The following PDE4D variants were observed in gnomAD, a reference collection of about 807,000 sequenced individuals.
PDE4D encodes the protein phosphodiesterase 4D.
Under a neutral mutation model 87.4 loss-of-function variants are expected in PDE4D, and 24 were observed. The observed-to-expected ratio is 0.27, with a 90% CI of 0.20 to 0.39. The LOEUF is 0.39. Among genes scored for constraint, PDE4D ranks in the 10% least tolerant of loss-of-function variants. The pLI, the probability that PDE4D is intolerant of heterozygous loss-of-function variation, is 1.00. For synonymous variants in PDE4D, 384 were observed against 383.2 expected, an observed-to-expected ratio of 1.00 and a Z score of -0.02; for missense variants, 714 against 1,041.0, an observed-to-expected ratio of 0.69 and a Z score of 4.32.
intron 2 of PDE4D, among the ~76,000 whole-genome samples, chr5:60,039,750 C>T (rs926875044): frequency 6.6e-6 from 1 of 152,044 alleles, no homozygotes; most frequent in African/African-American, 2.4e-5. Flanking sequence ...CAAGATGTTT[C>T]CTAGCTTTTC....
chr5:59,703,571 G>T (rs373521847), intron 1 of PDE4D: 43 of 534,274 alleles, frequency 8.0e-5, no homozygotes, highest in African/African-American at 6.4e-4. Flanking sequence ...GGGTTCTGGT[G>T]GTGTTTTCTT....
At position 59,796,693 on chromosome 5, in the gene PDE4D, ATCT is replaced by A. The variant is rs1451152683; in HGVS notation, c.455+96472_455+96474del. Among the ~76,000 whole-genome samples the A allele has an allele frequency of 2.0e-5, 3 of 152,356 alleles. No individual in the cohort carries two copies. The East Asian group carries it at 5.8e-4, about 29-fold the overall frequency. On this transcript the variant is annotated intron_variant, in intron 1 of 14. Coordinates refer to ENST00000340635, the MANE Select transcript of PDE4D (RefSeq NM_001104631.2). ...AACATATGTACTTGTTTGCTTTTTC[ATCT>A]TCTTAGATGACACTTATTTTAAGTT...
At chr5:59,247,360 T>C (rs564452245) in intron 1 of PDE4D, among the ~76,000 whole-genome samples, 1 of 152,232 alleles carries the variant, frequency 6.6e-6, no homozygotes, top group Non-Finnish European at 1.5e-5. Flanking sequence ...ATTTAATGCA[T>C]AGGAAGCCTG....
At chr5:59,267,935 C>A (rs1278192664) in intron 1 of PDE4D, among the ~76,000 whole-genome samples, 4 of 152,006 alleles carry the variant, frequency 2.6e-5, no homozygotes, top group Non-Finnish European at 4.4e-5. Context: ...AGATGGGGGG[C>A]AAATGTCCTC....
In PDE4D at chr5:60,330,573, T is replaced by C. The variant is rs891400499; in HGVS notation, c.-89-144886A>G. ...AGCCAGCATGGGTGGCCCACACACA[T>C]GGAAGAACTACAGCCCAGACAAGCA... On this transcript the variant is annotated intron_variant, in intron 1 of 16. Coordinates refer to the PDE4D transcript ENST00000502484. Among the ~76,000 whole-genome samples the C allele has an allele frequency of 2.6e-5, 4 of 152,080 alleles. No individual in the cohort carries two copies. In the South Asian group the frequency reaches 6.2e-4, roughly 24 times the overall value.
intron 1 of PDE4D, among the ~76,000 whole-genome samples, chr5:59,440,132 G>A (rs947833342): frequency 1.5e-4 from 23 of 152,102 alleles, no homozygotes; most frequent in African/African-American, 4.1e-4. Context: ...CTATTGCTAC[G>A]TTATCACTAG....
intron 1 of PDE4D, among the ~76,000 whole-genome samples, chr5:59,359,434 C>T (rs964359718): frequency 6.6e-6 from 1 of 152,074 alleles, no homozygotes; most frequent in Non-Finnish European, 1.5e-5. Flanking sequence ...CACACAGTTA[C>T]ACATAATCCT....
At chr5:60,375,205 A>G (rs536599274) in intron 1 of PDE4D, among the ~76,000 whole-genome samples, 1 of 152,296 alleles carries the variant, frequency 6.6e-6, no homozygotes, top group African/African-American at 2.4e-5. Context: ...GCTTTAAATC[A>G]TTATCAGGGT....
upstream of PDE4D, chr5:60,489,653 T>C (rs1221930644): frequency 6.6e-6 from 1 of 152,234 alleles, no homozygotes; most frequent in Non-Finnish European, 1.5e-5. Flanking sequence ...CCTTTGTTTA[T>C]TTGACAGTGC....
chr5:59,457,367 T>C (rs1304923846), intron 1 of PDE4D, among the ~76,000 whole-genome samples: 5 of 152,244 alleles, frequency 3.3e-5, no homozygotes, highest in Non-Finnish European at 7.3e-5. Flanking sequence ...AATTAAGGTA[T>C]GCACGTTGTC....
At chr5:60,516,467 C>T (rs1750806279) in intron 1 of PDE4D, among the ~76,000 whole-genome samples, 1 of 152,206 alleles carries the variant, frequency 6.6e-6, no homozygotes, top group African/African-American at 2.4e-5. Context: ...TCTCCCATCT[C>T]TCTGGTTCAG....
intron 5 of PDE4D, among the ~76,000 whole-genome samples, chr5:59,088,627 A>G (rs1336186225): frequency 5.3e-5 from 8 of 152,224 alleles, no homozygotes; most frequent in Admixed American, 2.6e-4. Context: ...GCCATAAAAA[A>G]GAATGAGATA....
chr5:60,113,725 A>C (rs1777893009), intron 2 of PDE4D, among the ~76,000 whole-genome samples: 1 of 152,104 alleles, frequency 6.6e-6, no homozygotes, highest in African/African-American at 2.4e-5. Context: ...TTGCCATAAC[A>C]ATCAGCTCTT....
At chr5:59,291,881 TA>T (rs1315222070) in intron 1 of PDE4D, among the ~76,000 whole-genome samples, 3 of 151,782 alleles carry the variant, frequency 2.0e-5, no homozygotes, top group South Asian at 2.1e-4. Context: ...CAGTGAATGC[TA>T]AAAAAATATC....
chr5:59,145,171 A>G (rs1205234932), intron 5 of PDE4D, among the ~76,000 whole-genome samples: 1 of 152,230 alleles, frequency 6.6e-6, no homozygotes, highest in African/African-American at 2.4e-5. Context: ...GTCTAATTTA[A>G]TATTTGTAAT....
intron 3 of PDE4D, among the ~76,000 whole-genome samples, chr5:59,958,877 A>C (rs1187763033): frequency 1.3e-5 from 2 of 152,092 alleles, no homozygotes; most frequent in African/African-American, 4.8e-5. Context: ...GAAGGCACCC[A>C]AATAGGAAAA....
At chr5:59,185,158 A>G (rs77352172) in intron 4 of PDE4D, 31 bp downstream of exon 4, 4 of 1,567,804 alleles carry the variant, frequency 2.6e-6, no homozygotes, top group Non-Finnish European at 2.6e-6. Flanking sequence ...AAAGTTCAGC[A>G]AAAAAGAGGG....
At chr5:60,303,297 A>T (rs7714394) in intron 1 of PDE4D, among the ~76,000 whole-genome samples, 1 of 148,598 alleles carries the variant, frequency 6.7e-6, no homozygotes. Flanking sequence ...GTGTGGTTAT[A>T]TCTGGATTTC....
At chr5:59,717,998 T>A (rs954361427) in intron 1 of PDE4D, among the ~76,000 whole-genome samples, 1 of 152,210 alleles carries the variant, frequency 6.6e-6, no homozygotes, top group Non-Finnish European at 1.5e-5. Flanking sequence ...GCCATTCCCA[T>A]AACCCACTCT....
Sources: gnomAD v4.1 joint callset for allele counts (sites outside exome capture counted in the v4.1 genomes callset) on GRCh38, gnomAD v4.1.1 for gene constraint, MANE v1.5 for transcripts, NCBI Gene and HGNC (gene_info 2026-07-23, HGNC 2026-07-21) for gene names.